EDA: variants seen among roughly 807,000 people sequenced by gnomAD.
EDA encodes the protein ectodysplasin A.
EDA carries 2 observed loss-of-function variants against 23.6 expected under a neutral mutation model. The observed-to-expected ratio is 0.08, with a 90% CI of 0.03 to 0.27. The LOEUF is 0.27. Ranked by LOEUF, EDA falls within the 10% of genes least tolerant of loss-of-function variation. EDA has a pLI of 1.00. For synonymous variants in EDA, 131 were observed against 132.0 expected (o/e 0.99, Z 0.05); for missense variants, 229 against 324.2 (o/e 0.71, Z 2.26).
intron 1 of EDA, among the ~76,000 whole-genome samples, chrX:69,677,489 T>C (rs1934142540): frequency 9.0e-6 from 1 of 111,516 alleles, no homozygotes; most frequent in African/African-American, 3.3e-5. Context: ...CTCCAGCACC[T>C]GTTGTTTCCT....
At chrX:69,638,940 T>A (rs1297888656) in intron 1 of EDA, among the ~76,000 whole-genome samples, 1 of 99,805 alleles carries the variant, frequency 1.0e-5, no homozygotes, top group Admixed American at 1.1e-4. Flanking sequence ...TACTCTCCCC[T>A]CCCCCCAGCC....
intron 1 of EDA, among the ~76,000 whole-genome samples, chrX:69,943,731 C>A (rs1319956669): frequency 9.2e-6 from 1 of 109,071 alleles, no homozygotes; most frequent in East Asian, 2.9e-4. Flanking sequence ...GGTGGCAAAT[C>A]TAGCCAAGCG....
Position 70,035,582 on chromosome X carries a change from C to T in EDA, c.1149C>T (p.Ile383=). Residue 383 remains isoleucine, a synonymous_variant, in exon 8 of 8, where the codon ATC becomes ATT. Transcript: ENST00000374552. ...AGCACACCACGTTCTTTGGGGCCAT[C>T]AGGCTGGGTGAAGCCCCTGCATCCT... ...MSKHTTFFGA[I]RLGEAPAS is the part of the protein sequence containing the mutation. 8.3e-7 allele frequency: 1 copy of T among 1,208,323 alleles called. No individual in the cohort carries two copies. The highest frequency in any genetic ancestry group is 1.8e-5 in the South Asian group (1 of 56,722).
intron 1 of EDA, among the ~76,000 whole-genome samples, chrX:69,831,115 A>T (rs1030268638): frequency 9.0e-6 from 1 of 111,530 alleles, no homozygotes; most frequent in Non-Finnish European, 1.9e-5. Context: ...TGCACAACGT[A>T]CAAGTTTGAT....
chrX:69,691,008 T>A (rs753769548), intron 1 of EDA, among the ~76,000 whole-genome samples: 2 of 111,753 alleles, frequency 1.8e-5, no homozygotes, highest in African/African-American at 3.2e-5. Flanking sequence ...GTAAATCGAG[T>A]CTTTATTTTT....
At chrX:69,712,781 A>G (rs147368563) in intron 1 of EDA, among the ~76,000 whole-genome samples, 6,677 of 111,034 alleles carry the variant, frequency 0.06, 204 homozygotes, top group Middle Eastern at 0.093. Context: ...TTGCGGCACT[A>G]TTCACAATAG....
chrX:69,958,856 C>G (rs1295734676), intron 2 of EDA, among the ~76,000 whole-genome samples: 1 of 110,973 alleles, frequency 9.0e-6, no homozygotes, highest in Non-Finnish European at 1.9e-5. Flanking sequence ...TGAGGCTACT[C>G]CCACAACCAT....
chrX:69,761,788 GC>G (rs1447509648), intron 1 of EDA, among the ~76,000 whole-genome samples: 1 of 111,509 alleles, frequency 9.0e-6, no homozygotes, highest in Non-Finnish European at 1.9e-5. Context: ...CTCTTCCACT[GC>G]TGTCAGCTGT....
intron 1 of EDA, among the ~76,000 whole-genome samples, chrX:69,888,983 T>TATATATAC (rs1286266602): frequency 2.3e-5 from 1 of 42,731 alleles, no homozygotes; most frequent in Non-Finnish European, 4.0e-5. Context: ...GGTAGTTATA[T>TATATATAC]ATATATATAT....
chrX:69,712,502 C>G (rs1233659125), intron 1 of EDA, among the ~76,000 whole-genome samples: 2 of 111,289 alleles, frequency 1.8e-5, no homozygotes, highest in Non-Finnish European at 3.8e-5. Flanking sequence ...AAATCAAAAC[C>G]ACAATGAGAT....
chrX:69,861,606 A>T (rs1444922838), intron 1 of EDA, among the ~76,000 whole-genome samples: 1 of 112,130 alleles, frequency 8.9e-6, no homozygotes, highest in African/African-American at 3.2e-5. Flanking sequence ...TATCACACTT[A>T]CAAAATAAAT....
chrX:69,783,859 A>G (rs1265740661), intron 1 of EDA, among the ~76,000 whole-genome samples: 6 of 103,721 alleles, frequency 5.8e-5, no homozygotes, highest in Non-Finnish European at 1.2e-4. Context: ...TCCCTGAGGA[A>G]TCACCACACT....
chrX:69,722,346 C>T, intron 1 of EDA, among the ~76,000 whole-genome samples: 1 of 109,826 alleles, frequency 9.1e-6, no homozygotes, highest in African/African-American at 3.3e-5. Flanking sequence ...GCTTGGACTA[C>T]AGGTGCCCAC....
chrX:70,007,345 T>A (rs1489589597), intron 2 of EDA, among the ~76,000 whole-genome samples: 1 of 111,602 alleles, frequency 9.0e-6, no homozygotes, highest in Non-Finnish European at 1.9e-5. Context: ...CCATAATCCA[T>A]ACATGTTGTG....
chrX:69,803,460 A>T (rs1331357339), intron 1 of EDA, among the ~76,000 whole-genome samples: 1 of 110,816 alleles, frequency 9.0e-6, no homozygotes, highest in Non-Finnish European at 1.9e-5. Context: ...ATTACCCTTT[A>T]CAAAAACCCT....
chrX:69,649,988 A>C (rs1271443007), intron 1 of EDA, among the ~76,000 whole-genome samples: 2 of 112,088 alleles, frequency 1.8e-5, no homozygotes, highest in Non-Finnish European at 3.8e-5. Context: ...TTTATGGGAA[A>C]TGTGGCTTAA....
chrX:69,822,398 G>C (rs891398979), intron 1 of EDA, among the ~76,000 whole-genome samples: 1 of 111,688 alleles, frequency 9.0e-6, no homozygotes, highest in Non-Finnish European at 1.9e-5. Flanking sequence ...ACTGTAGTGT[G>C]TCTGGAGGAA....
chrX:69,780,201 A>G (rs1164055728), intron 1 of EDA, among the ~76,000 whole-genome samples: 1 of 111,428 alleles, frequency 9.0e-6, no homozygotes, highest in Non-Finnish European at 1.9e-5. Flanking sequence ...ACATATACAG[A>G]TGAAATGTTG....
chrX:69,658,060 C>T (rs1360604326), intron 1 of EDA, among the ~76,000 whole-genome samples: 1 of 111,290 alleles, frequency 9.0e-6, no homozygotes, highest in Non-Finnish European at 1.9e-5. Context: ...GCTTTGGGCA[C>T]TGTGGACATT....
Sources: gnomAD v4.1 joint callset for allele counts (sites outside exome capture counted in the v4.1 genomes callset) on GRCh38, gnomAD v4.1.1 for gene constraint, MANE v1.5 for transcripts, NCBI Gene and HGNC (gene_info 2026-07-23, HGNC 2026-07-21) for gene names.